The following MIER1 variants were observed in gnomAD, a reference collection of about 807,000 sequenced individuals.
MIER1 encodes MIER1 transcriptional regulator.
MIER1 carries 40 observed loss-of-function variants against 75.7 expected under a neutral mutation model. The ratio of observed to expected loss-of-function variants is 0.53; its 90% CI spans 0.41 to 0.69. The LOEUF is 0.69. Ranked by LOEUF, MIER1 falls within the 30% of genes least tolerant of loss-of-function variation. The pLI is 0.00. For synonymous variants in MIER1, 213 were observed against 223.4 expected, an observed-to-expected ratio of 0.95 and a Z score of 0.42; for missense variants, 574 against 680.2, an observed-to-expected ratio of 0.84 and a Z score of 1.74.
chr1:66,979,662 G>A (rs1665501789), intron 12 of MIER1, among the ~76,000 whole-genome samples: 2 of 151,852 alleles, frequency 1.3e-5, no homozygotes, highest in Non-Finnish European at 2.9e-5. Context: ...TTAATCTTTA[G>A]GAAACAATGA....
intron 10 of MIER1, among the ~76,000 whole-genome samples, chr1:66,972,259 TA>T (rs1663842056): frequency 5.2e-5 from 5 of 96,512 alleles, no homozygotes; most frequent in African/African-American, 1.5e-4. Context: ...TATATATATA[TA>T]TAGATATGTA....
At chr1:66,944,708 A>G (rs560327409) in intron 3 of MIER1, among the ~76,000 whole-genome samples, 6 of 151,940 alleles carry the variant, frequency 3.9e-5, no homozygotes, top group African/African-American at 1.2e-4. Flanking sequence ...AGCTACTCAA[A>G]TATTAGATTT....
At position 66,971,753 on chromosome 1, in the gene MIER1, T is replaced by C. The variant is rs368127978; in HGVS notation, c.1006+17T>C. 11 of 1,308,666 alleles carry C rather than the reference T, an allele frequency of 8.4e-6. No homozygotes were observed. The African/African-American group carries it at 1.5e-4, about 18-fold the overall frequency. 81.1% of individuals were successfully genotyped at this position (1,308,666 alleles called of 1,614,324 possible). A position where few individuals can be genotyped will look rare whatever the true frequency, so the allele number is the denominator to read the frequency against. The stretch of plus-strand genomic sequence containing the variant: ...CAGCTAGAGGTAAGTATAGTTTTTA[T>C]TCATTTTCATGATTTGGCAGAAATT... On this transcript the variant is annotated intron_variant, in intron 10 of 13. Coordinates refer to ENST00000401041, the MANE Select transcript of MIER1 (RefSeq NM_001077700.3).
rs369815018 is a variant in MIER1, at chr1:66,946,195, A to G, written c.239A>G (p.Asp80Gly). 81 of 1,612,030 alleles carry G rather than the reference A, an allele frequency of 5.0e-5. No individual in the cohort carries two copies. Among genetic ancestry groups the G allele is most frequent in the Non-Finnish European group, 4.2e-6 (5 of 1,179,570 alleles). The stretch of plus-strand genomic sequence containing the variant: ...GACCATGAATTTGATCCATCAGCTG[A>G]CATGCTGGTTCATGATTTTGATGAT... The part of the protein sequence containing the change: ...SDDHEFDPSA[D>G]MLVHDFDDER... Residue 80 changes from aspartate to glycine, a missense_variant, in exon 4 of 14, where the codon GAC becomes GGC. Around this residue, in one of 3 missense-constraint regions of MIER1, gnomAD observed 309 missense variants for 352.8 expected, o/e 0.88. Transcript: ENST00000401041.
At position 66,970,835 on chromosome 1, in the gene MIER1, G is replaced by A; in HGVS notation, c.800G>A (p.Trp267Ter). The A allele has an allele frequency of 6.4e-7, 1 of 1,571,828 alleles. No individual in the cohort carries two copies. The highest frequency in any genetic ancestry group is 2.1e-5 in the Admixed American group (1 of 46,874). Residue 267 changes from tryptophan (W) to a stop codon, truncating the protein, a stop_gained, in exon 9 of 14, where the codon TGG (tryptophan) becomes TAG (stop). Transcript: ENST00000401041. LOFTEE classifies it high-confidence loss of function. ...KVYENDDQLL[W>*]DPEYLPEDKV... ...TATGAAAATGATGATCAGCTCCTGT[G>A]GGACCCTGAGTACTTACCAGAAGAT...
intron 4 of MIER1, among the ~76,000 whole-genome samples, chr1:66,951,769 T>G (rs1659018284): frequency 6.6e-6 from 1 of 152,148 alleles, no homozygotes; most frequent in Admixed American, 6.5e-5. Flanking sequence ...TTATTCATCA[T>G]GTACTATGCC....
At chr1:66,962,614 C>T (rs555052673) in intron 7 of MIER1, among the ~76,000 whole-genome samples, 1 of 151,910 alleles carries the variant, frequency 6.6e-6, no homozygotes, top group Admixed American at 6.6e-5. Context: ...CCTGGGAGGT[C>T]GAGGCTGCAG....
Position 66,958,926 on chromosome 1 carries a change from G to T in MIER1, c.577G>T (p.Ala193Ser), listed in dbSNP as rs11540747. The T allele has an allele frequency of 6.2e-7, 1 of 1,612,826 alleles. No individual in the cohort carries two copies. Among genetic ancestry groups the T allele is most frequent in the East Asian group, 2.2e-5 (1 of 44,820 alleles). The part of the protein sequence containing the change: ...SSNDDPSQSV[A>S]SQDAQEIIRP... ...CAATGATGATCCATCACAATCTGTT[G>T]CTTCTCAAGATGCCCAGGAAATAAT... Residue 193 changes from alanine (A) to serine (S), a missense_variant, in exon 6 of 14, where the codon GCT becomes TCT. By Grantham distance (99) the Ala-to-Ser change is moderately conservative (BLOSUM62 1). Transcript: ENST00000401041.
chr1:66,954,310 A>G (rs533846358), intron 4 of MIER1, among the ~76,000 whole-genome samples: 25 of 152,224 alleles, frequency 1.6e-4, no homozygotes, highest in Non-Finnish European at 3.1e-4. Flanking sequence ...AGTACGCTCA[A>G]ATTGAGTCAG....
intron 8 of MIER1, among the ~76,000 whole-genome samples, chr1:66,967,942 A>G (rs1297445279): frequency 1.3e-5 from 2 of 152,158 alleles, no homozygotes; most frequent in Admixed American, 6.5e-5. Flanking sequence ...ATCAGTAAAC[A>G]GGGATAATTT....
At position 66,985,854 on chromosome 1, in the gene MIER1, G is replaced by T. The variant is rs1406233311; in HGVS notation, c.*954G>T. The T allele has an allele frequency of 1.7e-5, 14 of 823,950 alleles. No individual in the cohort carries two copies. In the African/African-American group the frequency reaches 2.3e-4, roughly 14 times the overall value. The allele number at this position is 823,950 out of a possible 1,614,324, so 51.0% of individuals were successfully genotyped here. A position where few individuals can be genotyped will look rare whatever the true frequency, so the allele number is the denominator to read the frequency against. On this transcript the variant is annotated 3_prime_UTR_variant, in exon 14 of 14. Coordinates refer to ENST00000401041, the MANE Select transcript of MIER1 (RefSeq NM_001077700.3). ...TTTTTTTTTAAATTTCTACTTAAGG[G>T]CAAGTAATTTGAGAATTCTGAAATT...
chr1:66,939,736 A>G (rs1226661845), intron 2 of MIER1, among the ~76,000 whole-genome samples: 1 of 152,108 alleles, frequency 6.6e-6, no homozygotes, highest in Non-Finnish European at 1.5e-5. Flanking sequence ...CTTAAACCAC[A>G]TATGTTATGA....
intron 7 of MIER1, among the ~76,000 whole-genome samples, chr1:66,960,673 T>C (rs1441339261): frequency 6.6e-6 from 1 of 152,150 alleles, no homozygotes; most frequent in Non-Finnish European, 1.5e-5. Context: ...TATGTAGAAC[T>C]GGTTAAAACA....
At chr1:66,948,345 C>A in intron 4 of MIER1, 1 of 510,922 alleles carries the variant, frequency 2.0e-6, no homozygotes, top group Non-Finnish European at 2.5e-6. Context: ...AATGCTTATA[C>A]TTTTATGGTA....
intron 2 of MIER1, 26 bp downstream of exon 2, chr1:66,926,268 A>G: frequency 1.3e-6 from 2 of 1,517,194 alleles, no homozygotes; most frequent in Non-Finnish European, 1.8e-6. Flanking sequence ...CTTGGAGATT[A>G]AGGGAGGGAA....
chr1:66,955,336 G>GTTTTTTTT (rs34006160), intron 4 of MIER1, among the ~76,000 whole-genome samples: 3 of 59,966 alleles, frequency 5.0e-5, no homozygotes, highest in Non-Finnish European at 8.5e-5. Flanking sequence ...CATCACCTGA[G>GTTTTTTTT]TTTTTTTTTT....
At chr1:66,957,468 TGATA>T (rs1194146701) in intron 4 of MIER1, among the ~76,000 whole-genome samples, 2 of 152,126 alleles carry the variant, frequency 1.3e-5, no homozygotes, top group African/African-American at 2.4e-5. Flanking sequence ...CAAGTCCGTA[TGATA>T]GATGGTAAGG....
In MIER1 at chr1:66,930,224, G is replaced by C. The variant is rs551646817; in HGVS notation, c.168+3982G>C. 982 of 1,424,910 alleles carry C rather than the reference G, an allele frequency of 6.9e-4. 9 individuals are homozygous for C. The East Asian group carries it at 0.026, about 37-fold the overall frequency. The allele number at this position is 1,424,910 out of a possible 1,614,324, so 88.3% of individuals were successfully genotyped here. ...GGGCGCCGCGAGGGGGCGGAGTGGG[G>C]TGTGGTGGGCGCGCTCGGGCGGCTC... On this transcript the variant is annotated intron_variant, in intron 2 of 13. Coordinates refer to ENST00000401041, the MANE Select transcript of MIER1 (RefSeq NM_001077700.3).
In MIER1 at chr1:66,987,100, T is replaced by C. The variant is rs41286732; in HGVS notation, c.*2200T>C. On this transcript the variant is annotated 3_prime_UTR_variant, in exon 14 of 14. Transcript: ENST00000401041. ...TATACATTTTAGGAAATGTTACTTT[T>C]GTTAATCTTTAAAAAATACACCTAA... The C allele has an allele frequency of 8.5e-5, 13 of 152,684 alleles. No homozygotes were observed. The highest frequency in any genetic ancestry group is 1.9e-4 in the Non-Finnish European group (13 of 67,990). 9.5% of individuals were successfully genotyped at this position (152,684 alleles called of 1,614,324 possible).
Sources: gnomAD v4.1 joint callset for allele counts (sites outside exome capture counted in the v4.1 genomes callset) on GRCh38, gnomAD v4.1.1 for gene constraint, gnomAD v4.1.1 regional missense constraint, MANE v1.5 for transcripts, NCBI Gene and HGNC (gene_info 2026-07-23, HGNC 2026-07-21) for gene names.